Variants in AMOTL1 observed in about 807,000 individuals in gnomAD.
AMOTL1 encodes the protein angiomotin like 1.
In AMOTL1, 45 loss-of-function variants were observed where a neutral mutation model predicts 102.9. That is an observed-to-expected ratio of 0.44 (90% CI 0.34 to 0.56). The LOEUF is 0.56. Ranked by LOEUF, AMOTL1 falls within the 20% of genes least tolerant of loss-of-function variation. The pLI is 0.01. For synonymous variants in AMOTL1, 481 were observed against 484.7 expected, an observed-to-expected ratio of 0.99 and a Z score of 0.10; for missense variants, 1,114 against 1,225.6, an observed-to-expected ratio of 0.91 and a Z score of 1.36.
intron 3 of AMOTL1, among the ~76,000 whole-genome samples, chr11:94,750,896 A>C (rs755081477): frequency 9.9e-5 from 15 of 152,138 alleles, no homozygotes; most frequent in Non-Finnish European, 2.1e-4. Context: ...ACATTAGTTT[A>C]TTTCATTCTC....
intron 6 of AMOTL1, among the ~76,000 whole-genome samples, chr11:94,836,563 A>G (rs1378745143): frequency 2.6e-5 from 4 of 152,218 alleles, no homozygotes; most frequent in Non-Finnish European, 4.4e-5. Context: ...CCTGGTGACA[A>G]TAGGCTTGAA....
intron 1 of AMOTL1, among the ~76,000 whole-genome samples, chr11:94,728,549 T>C (rs1442586936): frequency 6.6e-6 from 1 of 152,174 alleles, no homozygotes; most frequent in Admixed American, 6.6e-5. Flanking sequence ...TTAGTTCAAG[T>C]TTTTTTAGTC....
In AMOTL1 at chr11:94,865,994, C is replaced by T. The variant is rs1952874735; in HGVS notation, c.2314C>T (p.Leu772=). ...IIEKDAMIKV[L]QQRSRKDAGK... is the part of the protein sequence containing the mutation. ...AGAGAAAGATGCTATGATTAAGGTCCTGCAGCAGCGATCTCGTAAAGATGC... is the reference window on the plus strand; with the variant it reads ...AGAGAAAGATGCTATGATTAAGGTCTTGCAGCAGCGATCTCGTAAAGATGC... Residue 772 remains leucine (L), a synonymous_variant, in exon 11 of 13, where the codon CTG becomes TTG. Transcript: ENST00000433060. The T allele has an allele frequency of 3.7e-6, 6 of 1,613,966 alleles. No individual in the cohort carries two copies. In the East Asian group the frequency reaches 1.3e-4, roughly 36 times the overall value.
chr11:94,858,017 G>C (rs900068446), intron 8 of AMOTL1, among the ~76,000 whole-genome samples: 1 of 152,102 alleles, frequency 6.6e-6, no homozygotes, highest in South Asian at 2.1e-4. Flanking sequence ...ATTAGGGGGG[G>C]CTATGAAGAG....
intron 7 of AMOTL1, among the ~76,000 whole-genome samples, chr11:94,852,538 A>G (rs376540694): frequency 3.7e-4 from 56 of 152,388 alleles, no homozygotes; most frequent in African/African-American, 1.3e-3. Flanking sequence ...AGTTCTCAGA[A>G]TGCTGTCAGT....
intron 4 of AMOTL1, among the ~76,000 whole-genome samples, chr11:94,826,394 C>A (rs1180054562): frequency 6.6e-6 from 1 of 152,160 alleles, no homozygotes; most frequent in Non-Finnish European, 1.5e-5. Flanking sequence ...GTTGTTATAA[C>A]CGAATATCTG....
chr11:94,795,209 G>A (rs763615847), intron 2 of AMOTL1, 49 bp downstream of exon 2: 56 of 1,598,650 alleles, frequency 3.5e-5, no homozygotes, highest in African/African-American at 1.2e-4. Context: ...ATGATCTTAC[G>A]TTTCTCATCT....
chr11:94,822,300 A>G (rs1307910480), intron 4 of AMOTL1, among the ~76,000 whole-genome samples: 1 of 152,190 alleles, frequency 6.6e-6, no homozygotes. Flanking sequence ...TTAGCCAGTC[A>G]TGGTGGCCCA....
upstream of AMOTL1, among the ~76,000 whole-genome samples, chr11:94,765,458 G>A (rs1423937302): frequency 6.6e-6 from 1 of 152,136 alleles, no homozygotes; most frequent in Non-Finnish European, 1.5e-5. Context: ...CAGGAACTAA[G>A]TTAAGGCCTG....
intron 3 of AMOTL1, among the ~76,000 whole-genome samples, chr11:94,761,976 A>G (rs1215540443): frequency 1.3e-5 from 2 of 152,240 alleles, no homozygotes; most frequent in Admixed American, 6.5e-5. Flanking sequence ...AATGGGGATT[A>G]CAAGGGTTCT....
intron 4 of AMOTL1, among the ~76,000 whole-genome samples, chr11:94,826,268 A>G (rs116002465): frequency 0.018 from 2,677 of 152,302 alleles, 32 homozygotes; most frequent in African/African-American, 0.027. Flanking sequence ...ACTCCAGCCT[A>G]GGTGATGGAA....
At chr11:94,746,049 T>C (rs935336574) in intron 3 of AMOTL1, among the ~76,000 whole-genome samples, 6 of 149,946 alleles carry the variant, frequency 4.0e-5, no homozygotes, top group African/African-American at 1.2e-4. Context: ...AATTTTTATA[T>C]CAGTCTGCAA....
intron 3 of AMOTL1, among the ~76,000 whole-genome samples, chr11:94,821,008 C>T (rs531796543): frequency 6.6e-6 from 1 of 152,232 alleles, no homozygotes; most frequent in Admixed American, 6.5e-5. Context: ...TGGTCCATGG[C>T]CCAGTGGTTG....
intron 9 of AMOTL1, among the ~76,000 whole-genome samples, chr11:94,860,774 G>A (rs544889887): frequency 2.6e-5 from 4 of 152,304 alleles, no homozygotes; most frequent in African/African-American, 9.6e-5. Flanking sequence ...TAAGGGCTAT[G>A]GTACTATTTG....
At position 94,799,322 on chromosome 11, in the gene AMOTL1, C is replaced by T. The variant is rs1951423865; in HGVS notation, c.200-68C>T. ...TGTAGTTAGAATGTTAATTATGTAC[C>T]ACATAGTCACAGACATATATCTCCT... On this transcript the variant is annotated intron_variant, in intron 2 of 12. Transcript: ENST00000433060. This position sits in a 1 kb window ranked among gnomAD's most constrained non-coding sequence, Gnocchi z 4.5. 2 of 1,246,840 alleles carry T rather than the reference C, an allele frequency of 1.6e-6. No individual in the cohort carries two copies. Among genetic ancestry groups the T allele is most frequent in the African/African-American group, 1.5e-5 (1 of 65,700 alleles). 77.2% of individuals were successfully genotyped at this position (1,246,840 alleles called of 1,614,324 possible).
rs540701428 is a variant in AMOTL1 at position 94,718,893 on chromosome 11, C to A, written c.-50-10028C>A. ...TAGAGAAAATTTAAATTTGATGTAG[C>A]CTAATCTGTCTATAGTTATTTTGTG... On this transcript the variant is annotated intron_variant, in intron 1 of 4. Transcript: ENST00000299004. Among the ~76,000 whole-genome samples the A allele has an allele frequency of 7.7e-4, 116 of 151,574 alleles. 1 individual carries two copies. The highest frequency in any genetic ancestry group is 2.7e-3 in the African/African-American group (110 of 41,418).
chr11:94,805,189 T>C (rs1447986376), intron 3 of AMOTL1, among the ~76,000 whole-genome samples: 1 of 152,218 alleles, frequency 6.6e-6, no homozygotes, highest in Non-Finnish European at 1.5e-5. Flanking sequence ...TAATCAGATT[T>C]ATAGAATATA....
intron 3 of AMOTL1, among the ~76,000 whole-genome samples, chr11:94,750,358 C>T (rs1950637735): frequency 6.6e-6 from 1 of 152,232 alleles, no homozygotes; most frequent in South Asian, 2.1e-4. Flanking sequence ...GTTGCTGCTG[C>T]TGCCCCTACT....
chr11:94,709,096 G>A (rs1949979164), intron 1 of AMOTL1, among the ~76,000 whole-genome samples: 1 of 152,180 alleles, frequency 6.6e-6, no homozygotes, highest in East Asian at 1.9e-4. Context: ...AGCATTTATT[G>A]AGTGCCTACT....
Sources: allele counts gnomAD v4.1 joint callset (sites outside exome capture counted in the v4.1 genomes callset), GRCh38; gene constraint gnomAD v4.1.1; non-coding constraint Gnocchi (gnomAD v3.1); transcripts MANE v1.5; gene names NCBI Gene and HGNC (gene_info 2026-07-23, HGNC 2026-07-21).